The following BUB1B variants were observed in gnomAD, a reference collection of about 807,000 sequenced individuals.
BUB1B encodes the protein mitotic checkpoint serine/threonine-protein kinase BUB1 beta.
Under a neutral mutation model 137.7 loss-of-function variants are expected in BUB1B, and 86 were observed. The ratio of observed to expected loss-of-function variants is 0.62; its 90% confidence interval spans 0.52 to 0.75. The LOEUF (loss-of-function observed/expected upper bound fraction) is 0.75, where lower values mean the gene tolerates loss of function less well. Ranked by LOEUF, BUB1B falls within the 30% of genes least tolerant of loss-of-function variation. The probability of loss-of-function intolerance (pLI) is 0.00; values close to 1 mark genes in which losing one functional copy is unlikely to be tolerated. For synonymous variants in BUB1B, 420 were observed against 417.9 expected (o/e 1.00, Z -0.06); for missense variants, 1,130 against 1,236.9 (o/e 0.91, Z 1.30).
At chr15:40,173,177 C>T (rs1429643014) in intron 4 of BUB1B, among the ~76,000 whole-genome samples, 2 of 150,886 alleles carry the variant, frequency 1.3e-5, no homozygotes, top group Non-Finnish European at 2.9e-5. Flanking sequence ...CCCAGTTACT[C>T]GGGAGGCTGA....
At chr15:40,166,002 G>T (rs983071990) in intron 2 of BUB1B, among the ~76,000 whole-genome samples, 21 of 152,076 alleles carry the variant, frequency 1.4e-4, no homozygotes, top group African/African-American at 5.1e-4. Context: ...ACAGGCGTGC[G>T]CCGCCACGCC....
chr15:40,179,967 C>CATATATATATATATATAT (rs34339420), intron 5 of BUB1B, among the ~76,000 whole-genome samples: 5 of 143,596 alleles, frequency 3.5e-5, no homozygotes, highest in African/African-American at 1.3e-4. Context: ...TTTCAAAAGC[C>CATATATATATATATATAT]ATATATATAT....
intron 13 of BUB1B, 52 bp from the exon 14 acceptor site, chr15:40,202,537 T>C (rs1487024726): frequency 6.3e-7 from 1 of 1,596,102 alleles, no homozygotes; most frequent in African/African-American, 1.3e-5. Context: ...GAGGATAAAT[T>C]AGGGGTTACT....
At chr15:40,198,203 G>A (rs934875089) in intron 9 of BUB1B, among the ~76,000 whole-genome samples, 4 of 151,314 alleles carry the variant, frequency 2.6e-5, no homozygotes, top group Non-Finnish European at 5.9e-5. Flanking sequence ...AGAAGGCATT[G>A]ACCTCTGAGA....
chr15:40,204,078 T>G (rs191378463), intron 14 of BUB1B, among the ~76,000 whole-genome samples: 4 of 152,356 alleles, frequency 2.6e-5, no homozygotes, highest in Admixed American at 2.6e-4. Context: ...AGATGAATTT[T>G]TCCATGCAAT....
intron 1 of BUB1B, among the ~76,000 whole-genome samples, chr15:40,164,318 C>T (rs1181595390): frequency 6.6e-6 from 1 of 151,598 alleles, no homozygotes; most frequent in Admixed American, 6.6e-5. Flanking sequence ...AGCTTCGACC[C>T]CTGAACCCAA....
intron 5 of BUB1B, among the ~76,000 whole-genome samples, chr15:40,181,090 G>A (rs1037986854): frequency 7.9e-6 from 1 of 126,162 alleles, no homozygotes; most frequent in Non-Finnish European, 1.7e-5. Context: ...GTGTCTAGAT[G>A]TGATTTTTTT....
Position 40,202,341 on chromosome 15 carries a change from T to C in BUB1B, c.1568-64T>C. 2.2e-6 allele frequency: 3 copies of C among 1,339,562 alleles called. No individual in the cohort carries two copies. The Admixed American group carries it at 5.6e-5, about 25-fold the overall frequency. 83.0% of individuals were successfully genotyped at this position (1,339,562 alleles called of 1,614,324 possible). A position where few individuals can be genotyped will look rare whatever the true frequency, so the allele number is the denominator to read the frequency against. ...ACAACACAAAATATTGATTAATTTA[T>C]CTGGTTGTCTTGAAGAGTAAAGCAT... On this transcript the variant is annotated intron_variant, in intron 12 of 22. Transcript: ENST00000287598.
At chr15:40,165,477 A>G (rs2140878720) in intron 2 of BUB1B, among the ~76,000 whole-genome samples, 1 of 152,348 alleles carries the variant, frequency 6.6e-6, no homozygotes, top group East Asian at 1.9e-4. Flanking sequence ...TAAGCATAGT[A>G]AAGCAAGTAT....
chr15:40,178,343 A>T (rs1360051286), intron 5 of BUB1B, among the ~76,000 whole-genome samples: 2 of 152,052 alleles, frequency 1.3e-5, no homozygotes, highest in Non-Finnish European at 2.9e-5. Flanking sequence ...TTAGAAGTGT[A>T]TTACTTCAGT....
Position 40,196,759 on chromosome 15 carries a change from A to G in BUB1B, c.1273A>G (p.Lys425Glu). The change falls in exon 9 of 23, where the codon AAA becomes GAA. Residue 425 changes from lysine to glutamate, a missense_variant. By Grantham distance (56) the Lys-to-Glu change is moderately conservative. Transcript: ENST00000287598. The part of the protein sequence containing the change: ...IRAEVFRKKL[K>E]EQREAELLTS... ...GGCTGAAGTTTTCCGGAAGAAATTAAAAGAGCAAAGGGAAGGTGTGTGTAA... is the reference window on the plus strand; with the variant it reads ...GGCTGAAGTTTTCCGGAAGAAATTAGAAGAGCAAAGGGAAGGTGTGTGTAA... 1 of 1,614,026 alleles carries G rather than the reference A, an allele frequency of 6.2e-7. No homozygotes were observed. Among genetic ancestry groups the G allele is most frequent in the Non-Finnish European group, 8.5e-7 (1 of 1,179,884 alleles).
rs773640183 is a variant in BUB1B at position 40,176,495 on chromosome 15, C to T, written c.403C>T (p.Pro135Ser). The T allele has an allele frequency of 1.2e-6, 2 of 1,614,038 alleles. No individual in the cohort carries two copies. Among genetic ancestry groups the T allele is most frequent in the Admixed American group, 1.7e-5 (1 of 60,020 alleles). The stretch of plus-strand genomic sequence containing the variant: ...GTTACAGGGGCGTTTATGCAATGAG[C>T]CTTTGGATATGTACAGTTACTTGCA... ...WLKLGRLCNE[P>S]LDMYSYLHNQ... The change falls in exon 5 of 23, where the codon CCT becomes TCT. Residue 135 changes from proline to serine, a missense_variant. Coordinates refer to ENST00000287598, the MANE Select transcript of BUB1B (RefSeq NM_001211.6).
At chr15:40,216,897 ATAAT>A (rs1317528803) in intron 20 of BUB1B, among the ~76,000 whole-genome samples, 1 of 152,112 alleles carries the variant, frequency 6.6e-6, no homozygotes, top group African/African-American at 2.4e-5. Context: ...AAATTAATTG[ATAAT>A]TAATTAGTAT....
In BUB1B at chr15:40,202,481, G is replaced by T. The variant is rs1555383138; in HGVS notation, c.1628+16G>T. ...AGAATAAAAGGTACGTTGTTTTTTT[G>T]TTTTTTTGGTTTTTTTTTACTTAAG... On this transcript the variant is annotated intron_variant, in intron 13 of 22. Coordinates refer to ENST00000287598, the MANE Select transcript of BUB1B (RefSeq NM_001211.6). The T allele has an allele frequency of 3.7e-6, 6 of 1,602,466 alleles. No individual in the cohort carries two copies. The highest frequency in any genetic ancestry group is 5.1e-6 in the Non-Finnish European group (6 of 1,172,246).
At chr15:40,173,178 G>A (rs925078997) in intron 4 of BUB1B, among the ~76,000 whole-genome samples, 2 of 151,672 alleles carry the variant, frequency 1.3e-5, no homozygotes, top group African/African-American at 2.4e-5. Context: ...CCAGTTACTC[G>A]GGAGGCTGAG....
At chr15:40,213,048 CA>C (rs533438943) in intron 19 of BUB1B, among the ~76,000 whole-genome samples, 123 of 151,876 alleles carry the variant, frequency 8.1e-4, no homozygotes, top group Non-Finnish European at 1.2e-3. Flanking sequence ...TATGAATTCT[CA>C]AAAATGGTTG....
At chr15:40,193,938 G>T (rs2037468083) in intron 8 of BUB1B, among the ~76,000 whole-genome samples, 1 of 150,942 alleles carries the variant, frequency 6.6e-6, no homozygotes, top group Non-Finnish European at 1.5e-5. Context: ...GCCCAGGCTG[G>T]TCTTGAACTC....
At chr15:40,219,634 C>T (rs2037861814) in intron 22 of BUB1B, among the ~76,000 whole-genome samples, 1 of 152,138 alleles carries the variant, frequency 6.6e-6, no homozygotes, top group Admixed American at 6.5e-5. Context: ...GCACGGGAAT[C>T]ACTTGAACCT....
intron 18 of BUB1B, among the ~76,000 whole-genome samples, chr15:40,211,622 C>T (rs1331876658): frequency 2.0e-5 from 3 of 152,082 alleles, no homozygotes; most frequent in African/African-American, 7.2e-5. Flanking sequence ...GCATATATAA[C>T]ATCTGATATA....
Sources: allele counts gnomAD v4.1 joint callset (sites outside exome capture counted in the v4.1 genomes callset), GRCh38; gene constraint gnomAD v4.1.1; transcripts MANE v1.5; gene names NCBI Gene and HGNC (gene_info 2026-07-23, HGNC 2026-07-21).